Variants in SH3GL2 observed in about 807,000 individuals in gnomAD.
SH3GL2 encodes SH3 domain containing GRB2 like 2, endophilin A1.
SH3GL2 carries 24 observed loss-of-function variants against 46.0 expected under a neutral mutation model. That is an observed-to-expected ratio of 0.52 (90% confidence interval 0.38 to 0.73). The LOEUF is 0.73. Among genes scored for constraint, SH3GL2 ranks in the 30% least tolerant of loss-of-function variants. SH3GL2 has a pLI of 0.00. For missense variants in SH3GL2, 413 were observed against 424.2 expected (o/e 0.97, Z 0.23); for synonymous variants, 196 against 147.1 (o/e 1.33, Z -2.40).
At chr9:17,608,357 G>A (rs7039427) in intron 1 of SH3GL2, among the ~76,000 whole-genome samples, 151,265 of 152,168 alleles carry the variant, frequency 0.99, 75,190 homozygotes, top group Middle Eastern at 1. Flanking sequence ...CGTGTTAGCC[G>A]GGATGGTCTC....
At chr9:17,788,101 C>CT (rs1227424097) in intron 5 of SH3GL2, among the ~76,000 whole-genome samples, 2 of 152,044 alleles carry the variant, frequency 1.3e-5, no homozygotes, top group East Asian at 3.9e-4. Context: ...TGTTTGCTCA[C>CT]TTTTTTTTAT....
intron 6 of SH3GL2, chr9:17,790,509 C>G (rs574718886): frequency 2.6e-5 from 15 of 575,048 alleles, no homozygotes; most frequent in Non-Finnish European, 3.3e-5. Flanking sequence ...CCACCTAACT[C>G]CTCGAGAGGA....
At chr9:17,621,053 G>C (rs867736961) in intron 1 of SH3GL2, among the ~76,000 whole-genome samples, 1 of 152,318 alleles carries the variant, frequency 6.6e-6, no homozygotes, top group Middle Eastern at 3.4e-3. Flanking sequence ...GTTGATTGCT[G>C]TGGTTTTCGT....
chr9:17,784,976 G>A (rs907164460), intron 3 of SH3GL2, among the ~76,000 whole-genome samples: 2 of 152,272 alleles, frequency 1.3e-5, no homozygotes, highest in African/African-American at 4.8e-5. Context: ...GGCACCAAAG[G>A]TGCTGGGATT....
chr9:17,691,739 C>T (rs1413830618), intron 1 of SH3GL2, among the ~76,000 whole-genome samples: 1 of 152,134 alleles, frequency 6.6e-6, no homozygotes, highest in Non-Finnish European at 1.5e-5. Context: ...TTGTACTATT[C>T]ACTAACAATA....
At chr9:17,610,336 C>G (rs936063470) in intron 1 of SH3GL2, among the ~76,000 whole-genome samples, 1 of 152,014 alleles carries the variant, frequency 6.6e-6, no homozygotes, top group South Asian at 2.1e-4. Flanking sequence ...GGCTCAGATC[C>G]TCTTTATGTA....
intron 3 of SH3GL2, among the ~76,000 whole-genome samples, chr9:17,776,169 T>G (rs774574021): frequency 6.6e-6 from 1 of 152,016 alleles, no homozygotes; most frequent in Non-Finnish European, 1.5e-5. Flanking sequence ...GCCCCACCCT[T>G]TGTTGAGGTT....
chr9:17,703,550 C>T (rs546930054), intron 1 of SH3GL2, among the ~76,000 whole-genome samples: 51 of 151,972 alleles, frequency 3.4e-4, no homozygotes, highest in Non-Finnish European at 6.8e-4. Context: ...TGCAAAAATC[C>T]TCAGGAAAAT....
intron 1 of SH3GL2, among the ~76,000 whole-genome samples, chr9:17,687,769 A>T (rs999985867): frequency 2.0e-5 from 3 of 152,082 alleles, no homozygotes; most frequent in African/African-American, 7.2e-5. Context: ...TACTTGTTAA[A>T]CCAGAGAGAA....
chr9:17,693,767 G>C (rs1262252954), intron 1 of SH3GL2, among the ~76,000 whole-genome samples: 1 of 152,182 alleles, frequency 6.6e-6, no homozygotes, highest in East Asian at 1.9e-4. Context: ...TGAACGAAAT[G>C]CCTGGCAAGG....
chr9:17,731,114 C>G (rs1822167354), intron 1 of SH3GL2, among the ~76,000 whole-genome samples: 1 of 152,088 alleles, frequency 6.6e-6, no homozygotes, highest in Admixed American at 6.6e-5. Context: ...GGAATGATAC[C>G]TTTTCCTAAA....
At chr9:17,636,724 T>C (rs1819552910) in intron 1 of SH3GL2, among the ~76,000 whole-genome samples, 1 of 152,196 alleles carries the variant, frequency 6.6e-6, no homozygotes, top group East Asian at 1.9e-4. Context: ...AGTGGATATT[T>C]AATTCAAATC....
intron 1 of SH3GL2, among the ~76,000 whole-genome samples, chr9:17,745,510 G>A (rs536127256): frequency 6.6e-5 from 10 of 152,148 alleles, no homozygotes; most frequent in East Asian, 1.9e-4. Context: ...CTTCCACTGC[G>A]CCATATTTCT....
chr9:17,741,760 T>C (rs1404474760), intron 1 of SH3GL2, among the ~76,000 whole-genome samples: 1 of 152,230 alleles, frequency 6.6e-6, no homozygotes, highest in Non-Finnish European at 1.5e-5. Context: ...ATCTCTTCCA[T>C]TAACAGCTTA....
chr9:17,622,711 G>A (rs1039388418), intron 1 of SH3GL2, among the ~76,000 whole-genome samples: 6 of 152,150 alleles, frequency 3.9e-5, no homozygotes, highest in Middle Eastern at 3.2e-3. Flanking sequence ...GGGCTGGTAG[G>A]TAGGTGCTCT....
At position 17,793,355 on chromosome 9, in the gene SH3GL2, T is replaced by G; in HGVS notation, c.729-12T>G. On this transcript the variant is annotated splice_polypyrimidine_tract_variant and intron_variant, in intron 7 of 8. Transcript: ENST00000380607. Reference sequence around the variant, plus strand: ...TTACATAACCTTTCCACCACTTTTCTTTTTACTGCAGAATAAGACAGGCTT... The same window carrying G: ...TTACATAACCTTTCCACCACTTTTCGTTTTACTGCAGAATAAGACAGGCTT... The G allele has an allele frequency of 1.2e-6, 2 of 1,605,924 alleles. No individual in the cohort carries two copies. Among genetic ancestry groups the G allele is most frequent in the Non-Finnish European group, 1.7e-6 (2 of 1,176,694 alleles).
At chr9:17,667,945 A>G (rs577554033) in intron 1 of SH3GL2, among the ~76,000 whole-genome samples, 35 of 152,310 alleles carry the variant, frequency 2.3e-4, no homozygotes, top group African/African-American at 8.2e-4. Context: ...GGTCATTTGT[A>G]TGTTTTATTT....
chr9:17,730,270 G>A lies in SH3GL2; in HGVS notation c.46-16796G>A, dbSNP rs550349474. Reference sequence around the variant, plus strand: ...TGATTGGGCTCACTGTCTATTATTGGTGTATGGGAATGTTTTTGATTTTTT... The same window carrying A: ...TGATTGGGCTCACTGTCTATTATTGATGTATGGGAATGTTTTTGATTTTTT... On this transcript the variant is annotated intron_variant, in intron 1 of 8. Coordinates refer to ENST00000380607, the MANE Select transcript of SH3GL2 (RefSeq NM_003026.5). 2.0e-5 allele frequency among the ~76,000 whole-genome samples: 3 copies of A among 152,084 alleles called. No homozygotes were observed. In the East Asian group the frequency reaches 5.8e-4, roughly 30 times the overall value.
chr9:17,631,585 C>T (rs560901090), intron 1 of SH3GL2, among the ~76,000 whole-genome samples: 1 of 152,172 alleles, frequency 6.6e-6, no homozygotes, highest in African/African-American at 2.4e-5. Context: ...ATGTTCACAT[C>T]AGCTGGGCTG....
Sources: gnomAD v4.1 joint callset for allele counts (sites outside exome capture counted in the v4.1 genomes callset) on GRCh38, gnomAD v4.1.1 for gene constraint, MANE v1.5 for transcripts, NCBI Gene and HGNC (gene_info 2026-07-23, HGNC 2026-07-21) for gene names.